Variants in CCSER1 observed in about 807,000 individuals in gnomAD.
CCSER1 encodes coiled-coil serine rich protein 1.
In CCSER1, 41 loss-of-function variants were observed where a neutral mutation model predicts 82.0. That is an observed-to-expected ratio of 0.50 (90% CI 0.39 to 0.65). The LOEUF is 0.65. Among genes scored for constraint, CCSER1 ranks in the 30% least tolerant of loss-of-function variants. The pLI is 0.00. For missense variants in CCSER1, 1,119 were observed against 1,064.2 expected (o/e 1.05, Z -0.72); for synonymous variants, 414 against 383.9 (o/e 1.08, Z -0.92).
intron 9 of CCSER1, among the ~76,000 whole-genome samples, chr4:91,041,416 G>A (rs1741945630): frequency 6.6e-6 from 1 of 152,084 alleles, no homozygotes; most frequent in South Asian, 2.1e-4. Flanking sequence ...TCCTCTATGA[G>A]CTAGCATTGC....
chr4:91,356,275 G>A (rs372879523), intron 10 of CCSER1, among the ~76,000 whole-genome samples: 99 of 152,360 alleles, frequency 6.5e-4, no homozygotes, highest in African/African-American at 2.1e-3. Context: ...AGGTCAGGTA[G>A]CCTCAGGGCT....
chr4:91,469,396 T>G (rs1757138343), intron 10 of CCSER1, among the ~76,000 whole-genome samples: 1 of 152,206 alleles, frequency 6.6e-6, no homozygotes, highest in Admixed American at 6.5e-5. Context: ...ATATTTTCCC[T>G]AATAATGCTT....
chr4:91,443,261 G>C (rs1755317339), intron 10 of CCSER1, among the ~76,000 whole-genome samples: 1 of 151,944 alleles, frequency 6.6e-6, no homozygotes, highest in Admixed American at 6.6e-5. Flanking sequence ...AAGAAAATGT[G>C]GCACATATAC....
intron 3 of CCSER1, among the ~76,000 whole-genome samples, chr4:90,397,481 G>GCCT (rs774777067): frequency 1.3e-4 from 20 of 152,308 alleles, no homozygotes; most frequent in Admixed American, 1.3e-4. Context: ...CATCATGTAT[G>GCCT]CCTCTGGATC....
rs532211334 is a variant in CCSER1, at chr4:91,379,249, G to A, written c.2218-219323G>A. Among the ~76,000 whole-genome samples, 6 of 152,232 alleles carry A rather than the reference G, an allele frequency of 3.9e-5. No individual in the cohort carries two copies. In the South Asian group the frequency reaches 1.0e-3, roughly 26 times the overall value. On this transcript the variant is annotated intron_variant, in intron 10 of 10. Transcript: ENST00000509176. ...TGTCTCTGTCAGGCTTTGGTATCAG[G>A]ATGATGCTGGCCTCATAAAATGAGT... is the stretch of plus-strand genomic sequence containing the variant.
intron 10 of CCSER1, among the ~76,000 whole-genome samples, chr4:91,177,832 G>A (rs1165216466): frequency 6.6e-6 from 1 of 151,428 alleles, no homozygotes; most frequent in Non-Finnish European, 1.5e-5. Context: ...CTGCTCTGAT[G>A]TTATTTCTTG....
intron 10 of CCSER1, among the ~76,000 whole-genome samples, chr4:91,390,183 C>A (rs1056885116): frequency 6.6e-6 from 1 of 151,856 alleles, no homozygotes. Context: ...TTTTAAAAAA[C>A]TCAATTTGAG....
At chr4:91,433,195 T>C (rs1754432197) in intron 10 of CCSER1, among the ~76,000 whole-genome samples, 1 of 152,202 alleles carries the variant, frequency 6.6e-6, no homozygotes. Flanking sequence ...ATTTAGAAAG[T>C]ATAGTCGTGT....
intron 1 of CCSER1, among the ~76,000 whole-genome samples, chr4:90,273,257 G>T (rs1726923161): frequency 6.6e-6 from 1 of 151,946 alleles, no homozygotes; most frequent in South Asian, 2.1e-4. Context: ...GATAGTTAAT[G>T]GGTACAGAAA....
At position 90,461,105 on chromosome 4, in the gene CCSER1, G is replaced by A. The variant is rs1399827058; in HGVS notation, c.1604-7129G>A. Among the ~76,000 whole-genome samples the A allele has an allele frequency of 1.6e-4, 13 of 83,528 alleles. 1 individual carries two copies. In the South Asian group the frequency reaches 1.9e-3, roughly 12 times the overall value. 54.8% of individuals were successfully genotyped at this position (83,528 alleles called of 152,430 possible). The stretch of plus-strand genomic sequence containing the variant: ...TTTTGAGACGGAGTCTCGCTCTGTC[G>A]CCCAGGCTGGAGTGCAGTGGCGGGA... On this transcript the variant is annotated intron_variant, in intron 4 of 10. Transcript: ENST00000509176.
At chr4:90,157,448 G>A (rs958871864) in intron 1 of CCSER1, among the ~76,000 whole-genome samples, 15 of 150,358 alleles carry the variant, frequency 1.0e-4, no homozygotes, top group African/African-American at 3.6e-4. Flanking sequence ...AAGTTCTCCT[G>A]GATAATATCC....
chr4:90,461,415 A>G (rs556351678), intron 4 of CCSER1, among the ~76,000 whole-genome samples: 4 of 152,134 alleles, frequency 2.6e-5, no homozygotes, highest in Non-Finnish European at 4.4e-5. Flanking sequence ...TCTTTGTTTA[A>G]TGATCGGTAT....
At chr4:91,236,477 C>T (rs1225423015) in intron 10 of CCSER1, among the ~76,000 whole-genome samples, 12 of 151,942 alleles carry the variant, frequency 7.9e-5, no homozygotes, top group Non-Finnish European at 1.6e-4. Flanking sequence ...AGCAAGACTC[C>T]GTCTCAGAAA....
intron 10 of CCSER1, among the ~76,000 whole-genome samples, chr4:91,361,276 C>G (rs1292015312): frequency 6.6e-6 from 1 of 151,620 alleles, no homozygotes; most frequent in Non-Finnish European, 1.5e-5. Flanking sequence ...TGGTCCAGCA[C>G]AAATTATGAA....
chr4:90,136,174 G>C (rs955153546), intron 1 of CCSER1, among the ~76,000 whole-genome samples: 6 of 152,052 alleles, frequency 3.9e-5, no homozygotes, highest in Non-Finnish European at 5.9e-5. Flanking sequence ...GTGAAATTTA[G>C]TACTGCTCCT....
chr4:91,075,543 T>C (rs1042758080), intron 9 of CCSER1, among the ~76,000 whole-genome samples: 4 of 152,196 alleles, frequency 2.6e-5, no homozygotes, highest in Non-Finnish European at 5.9e-5. Flanking sequence ...TCAACCCATA[T>C]GCATACATAT....
chr4:91,031,502 C>A (rs1274532170), intron 9 of CCSER1, among the ~76,000 whole-genome samples: 3 of 152,090 alleles, frequency 2.0e-5, no homozygotes, highest in African/African-American at 7.2e-5. Context: ...TCAATAAAAG[C>A]TCCCTAAAAC....
chr4:90,485,522 C>T (rs546572002), intron 5 of CCSER1, among the ~76,000 whole-genome samples: 2 of 150,524 alleles, frequency 1.3e-5, no homozygotes, highest in African/African-American at 4.9e-5. Flanking sequence ...GGCTCCACCC[C>T]CCCCCCCCAA....
rs145835271 is a variant in CCSER1 at position 90,441,520 on chromosome 4, G to T, written c.1604-26714G>T. 1.1e-3 allele frequency among the ~76,000 whole-genome samples: 172 copies of T among 151,960 alleles called. 3 individuals carry two copies. The East Asian group carries it at 0.028, about 25-fold the overall frequency. On this transcript the variant is annotated intron_variant, in intron 4 of 10. Transcript: ENST00000509176. ...ATTCCACCATAAGAGCCCCAACTTTGTGACCTTGTCTACACCTGATTATCT... is the reference window on the plus strand; with the variant it reads ...ATTCCACCATAAGAGCCCCAACTTTTTGACCTTGTCTACACCTGATTATCT...
Sources: gnomAD v4.1 joint callset for allele counts (sites outside exome capture counted in the v4.1 genomes callset) on GRCh38, gnomAD v4.1.1 for gene constraint, MANE v1.5 for transcripts, NCBI Gene and HGNC (gene_info 2026-07-23, HGNC 2026-07-21) for gene names.